Variants in CHD6 observed in about 807,000 individuals in gnomAD.
CHD6 encodes ATP-dependent chromatin remodeler CHD6.
Under a neutral mutation model 276.9 loss-of-function variants are expected in CHD6, and 50 were observed. That is an observed-to-expected ratio of 0.18 (90% CI 0.14 to 0.23). The LOEUF (loss-of-function observed/expected upper bound fraction) is 0.23. Among genes scored for constraint, CHD6 ranks in the 10% least tolerant of loss-of-function variants. The pLI, the probability that CHD6 is intolerant of heterozygous loss-of-function variation, is 1.00. For missense variants in CHD6, 2,564 were observed against 3,365.8 expected (o/e 0.76, Z 5.89); for synonymous variants, 1,173 against 1,229.3 (o/e 0.95, Z 0.96).
chr20:41,504,077 C>CAAAAAAAAA (rs1189323419), intron 5 of CHD6, among the ~76,000 whole-genome samples: 378 of 27,090 alleles, frequency 0.014, 44 homozygotes, highest in Non-Finnish European at 0.016. Context: ...GACTCTGTCT[C>CAAAAAAAAA]AAAAAAAAAA....
intron 11 of CHD6, 148 bp downstream of exon 11, chr20:41,491,550 T>C: frequency 1.3e-6 from 1 of 797,528 alleles, no homozygotes; most frequent in Non-Finnish European, 2.0e-6. Flanking sequence ...AAGTAAGTCT[T>C]GGATGATTAA....
chr20:41,566,497 A>C (rs2045356809), intron 1 of CHD6, among the ~76,000 whole-genome samples: 1 of 152,182 alleles, frequency 6.6e-6, no homozygotes, highest in Non-Finnish European at 1.5e-5. Context: ...TCTATCCCCA[A>C]GTTCCCTTCC....
chr20:41,501,774 T>G (rs2043835684), intron 5 of CHD6, among the ~76,000 whole-genome samples: 1 of 152,208 alleles, frequency 6.6e-6, no homozygotes, highest in African/African-American at 2.4e-5. Context: ...TGTAAAAATT[T>G]TGACACCTAC....
chr20:41,449,606 G>A lies in CHD6; in HGVS notation c.3683+1340C>T, dbSNP rs147093381. 5.4e-4 allele frequency among the ~76,000 whole-genome samples: 82 copies of A among 152,328 alleles called. No individual in the cohort carries two copies. The East Asian group carries it at 0.013, about 24-fold the overall frequency. On this transcript the variant is annotated intron_variant, in intron 23 of 36. Transcript: ENST00000373233. ...TCTGAACTCAAAGGGACACACAACTGCAGCAGGTTTGTAACACCCTTGGTT... is the reference window on the plus strand; with the variant it reads ...TCTGAACTCAAAGGGACACACAACTACAGCAGGTTTGTAACACCCTTGGTT...
rs1233932974 is a variant in CHD6, at chr20:41,457,206, T to C, written c.2829+58A>G. Reference sequence around the variant, plus strand: ...TTAAACAGCTGTAAGAAGAGAAGCCTGTCTGGGCTGTGCGACCAATGTTCC... The same window carrying C: ...TTAAACAGCTGTAAGAAGAGAAGCCCGTCTGGGCTGTGCGACCAATGTTCC... On this transcript the variant is annotated intron_variant, in intron 18 of 36. Transcript: ENST00000373233. The C allele has an allele frequency of 1.1e-5, 17 of 1,573,096 alleles. No individual in the cohort carries two copies. The South Asian group carries it at 1.4e-4, about 13-fold the overall frequency.
rs547361231 is a variant in CHD6, at chr20:41,556,307, C to T, written c.-23-4947G>A. ...GAGGGAGAGGGAGACCGTGGGGAGA[C>T]GGGAGAGGGAGAGGGCACCTTTTTT... is the stretch of plus-strand genomic sequence containing the variant. On this transcript the variant is annotated intron_variant, in intron 1 of 36. Transcript: ENST00000373233. 7.2e-3 allele frequency among the ~76,000 whole-genome samples: 789 copies of T among 108,902 alleles called. 28 individuals carry two copies. The highest frequency in any genetic ancestry group is 0.011 in the Non-Finnish European group (587 of 55,424). 71.4% of individuals were successfully genotyped at this position (108,902 alleles called of 152,430 possible).
At chr20:41,407,905 T>G (rs930304180) in intron 36 of CHD6, among the ~76,000 whole-genome samples, 2 of 152,122 alleles carry the variant, frequency 1.3e-5, no homozygotes, top group African/African-American at 2.4e-5. Context: ...AACAAATCAG[T>G]GAATCAGCCC....
intron 27 of CHD6, 105 bp from the exon 28 acceptor site, chr20:41,426,258 C>T (rs939722602): frequency 6.5e-5 from 53 of 820,548 alleles, no homozygotes; most frequent in Non-Finnish European, 9.5e-5. Flanking sequence ...AAGAGCTGTC[C>T]CCTGCCCATG....
intron 1 of CHD6, among the ~76,000 whole-genome samples, chr20:41,556,087 C>CA (rs778267263): frequency 0.02 from 3,076 of 152,138 alleles, 76 homozygotes; most frequent in South Asian, 0.079. Context: ...CCGTCTCCAC[C>CA]AAAAAAATAC....
At chr20:41,538,728 C>CT (rs938088537) in intron 2 of CHD6, among the ~76,000 whole-genome samples, 3 of 152,132 alleles carry the variant, frequency 2.0e-5, no homozygotes, top group South Asian at 2.1e-4. Flanking sequence ...TATTAAAAGC[C>CT]TTTTTTTGCA....
At chr20:41,522,669 T>G (rs538929062) in intron 3 of CHD6, among the ~76,000 whole-genome samples, 1 of 151,704 alleles carries the variant, frequency 6.6e-6, no homozygotes, top group Admixed American at 6.6e-5. Context: ...CACACACACA[T>G]ACATAAATAG....
In CHD6 at chr20:41,444,018, A is replaced by G. The variant is rs1339585724; in HGVS notation, c.3877+1647T>C. On this transcript the variant is annotated intron_variant, in intron 25 of 36. Coordinates refer to ENST00000373233, the MANE Select transcript of CHD6 (RefSeq NM_032221.5). ...TTCAGATGTGTTCTCTTTTCTCAGC[A>G]TGTTGTTGCCATGCAGGGACTTGGC... Among the ~76,000 whole-genome samples the G allele has an allele frequency of 2.0e-5, 3 of 152,134 alleles. No individual in the cohort carries two copies. In the East Asian group the frequency reaches 5.8e-4, roughly 29 times the overall value.
intron 1 of CHD6, among the ~76,000 whole-genome samples, chr20:41,578,222 A>C (rs1461720333): frequency 6.6e-6 from 1 of 152,182 alleles, no homozygotes; most frequent in Non-Finnish European, 1.5e-5. Flanking sequence ...ACTCTAGATC[A>C]AAATCTGTTA....
intron 17 of CHD6, among the ~76,000 whole-genome samples, chr20:41,460,294 A>G (rs187490596): frequency 5.6e-4 from 86 of 152,344 alleles, no homozygotes; most frequent in African/African-American, 2.0e-3. Context: ...AGAAAAATCA[A>G]TTTTCTGGGG....
chr20:41,591,904 C>T (rs1307744343), intron 1 of CHD6, among the ~76,000 whole-genome samples: 2 of 152,140 alleles, frequency 1.3e-5, no homozygotes, highest in Non-Finnish European at 2.9e-5. Flanking sequence ...TCAAGACCAT[C>T]CTGGCTAAGA....
chr20:41,591,905 C>T (rs543630768), intron 1 of CHD6, among the ~76,000 whole-genome samples: 1 of 152,242 alleles, frequency 6.6e-6, no homozygotes, highest in Non-Finnish European at 1.5e-5. Context: ...CAAGACCATC[C>T]TGGCTAAGAC....
Position 41,404,069 on chromosome 20 carries a change from A to G in CHD6, c.*524T>C, listed in dbSNP as rs1225148012. 2 of 1,047,596 alleles carry G rather than the reference A, an allele frequency of 1.9e-6. No homozygotes were observed. Among genetic ancestry groups the G allele is most frequent in the African/African-American group, 3.3e-5 (2 of 60,240 alleles). The allele number at this position is 1,047,596 out of a possible 1,614,324, so 64.9% of individuals were successfully genotyped here. A position where few individuals can be genotyped will look rare whatever the true frequency, so the allele number is the denominator to read the frequency against. ...AACCATTAGTTATATACTTCTGTCT[A>G]TACTACTCACTTAGTAATCATGATA... is the stretch of plus-strand genomic sequence containing the variant. On this transcript the variant is annotated 3_prime_UTR_variant, in exon 37 of 37. Transcript: ENST00000373233.
At position 41,416,810 on chromosome 20, in the gene CHD6, A is replaced by C; in HGVS notation, c.6280-16T>G. 1 of 1,515,298 alleles carries C rather than the reference A, an allele frequency of 6.6e-7. No homozygotes were observed. The highest frequency in any genetic ancestry group is 8.9e-7 in the Non-Finnish European group (1 of 1,126,550). The allele number at this position is 1,515,298 out of a possible 1,614,324, so 93.9% of individuals were successfully genotyped here. On this transcript the variant is annotated splice_polypyrimidine_tract_variant and intron_variant, in intron 32 of 36. Transcript: ENST00000373233. Reference sequence around the variant, plus strand: ...TCACGCGGTCCTAGAAAAAAGGATAAAGCTCTGATGAATAAGGATCGAGTT... The same window carrying C: ...TCACGCGGTCCTAGAAAAAAGGATACAGCTCTGATGAATAAGGATCGAGTT...
chr20:41,537,532 C>T (rs773389265), intron 2 of CHD6, among the ~76,000 whole-genome samples: 4 of 151,996 alleles, frequency 2.6e-5, no homozygotes, highest in Non-Finnish European at 4.4e-5. Flanking sequence ...CCCCCATGGA[C>T]GCTGAGGAAG....
Sources: allele counts gnomAD v4.1 joint callset (sites outside exome capture counted in the v4.1 genomes callset), GRCh38; gene constraint gnomAD v4.1.1; transcripts MANE v1.5; gene names NCBI Gene and HGNC (gene_info 2026-07-23, HGNC 2026-07-21).